The following NXPH2 variants were observed in gnomAD, a reference collection of about 807,000 sequenced individuals.
NXPH2 encodes neurexophilin 2, also known as neurexophilin-2.
In NXPH2, 5 loss-of-function variants were observed where a neutral mutation model predicts 19.8. The ratio of observed to expected loss-of-function variants is 0.25; its 90% CI spans 0.13 to 0.53. The LOEUF is 0.53. Among genes scored for constraint, NXPH2 ranks in the 20% least tolerant of loss-of-function variants. NXPH2 has a pLI of 0.96. For synonymous variants in NXPH2, 154 were observed against 127.4 expected (o/e 1.21, Z -1.41); for missense variants, 289 against 322.8 (o/e 0.90, Z 0.80).
At chr2:138,771,474 A>G (rs1489703845) in intron 1 of NXPH2, among the ~76,000 whole-genome samples, 4 of 150,634 alleles carry the variant, frequency 2.7e-5, no homozygotes, top group African/African-American at 7.3e-5. Context: ...TCTGAGTAGT[A>G]CTAAAAAAAA....
intron 1 of NXPH2, among the ~76,000 whole-genome samples, chr2:138,765,981 C>T (rs1268774030): frequency 6.6e-6 from 1 of 152,138 alleles, no homozygotes; most frequent in Non-Finnish European, 1.5e-5. Context: ...TCAGAGCCAG[C>T]CCTAACAACT....
chr2:138,767,589 TTTGA>T (rs1682111563), intron 1 of NXPH2, among the ~76,000 whole-genome samples: 1 of 152,224 alleles, frequency 6.6e-6, no homozygotes, highest in Non-Finnish European at 1.5e-5. Flanking sequence ...GTCCTTCATA[TTTGA>T]TTGATAATTT....
chr2:138,754,810 A>G (rs1421602029), intron 1 of NXPH2, among the ~76,000 whole-genome samples: 2 of 152,150 alleles, frequency 1.3e-5, no homozygotes, highest in Non-Finnish European at 1.5e-5. Flanking sequence ...CAAAATTGCA[A>G]TACAATTTTG....
chr2:138,740,628 A>T (rs1681627923), intron 1 of NXPH2, among the ~76,000 whole-genome samples: 2 of 152,320 alleles, frequency 1.3e-5, no homozygotes, highest in South Asian at 4.1e-4. Flanking sequence ...AATTCTGAGG[A>T]TGCCATATGC....
At chr2:138,757,627 T>C (rs1187154404) in intron 1 of NXPH2, among the ~76,000 whole-genome samples, 1 of 152,118 alleles carries the variant, frequency 6.6e-6, no homozygotes, top group African/African-American at 2.4e-5. Context: ...TGCTGCAGCA[T>C]GAGACACAGA....
intron 1 of NXPH2, among the ~76,000 whole-genome samples, chr2:138,707,088 C>A: frequency 3.9e-4 from 1 of 2,576 alleles, no homozygotes; most frequent in Non-Finnish European, 1.3e-3. Flanking sequence ...AGTACTTGCC[C>A]CATGACAAAA....
chr2:138,751,264 C>T (rs1470554341), intron 1 of NXPH2, among the ~76,000 whole-genome samples: 1 of 151,972 alleles, frequency 6.6e-6, no homozygotes, highest in Non-Finnish European at 1.5e-5. Flanking sequence ...ATCCAGCTAC[C>T]CACAGAAACC....
At chr2:138,672,553 G>C (rs1680430727) in intron 1 of NXPH2, among the ~76,000 whole-genome samples, 1 of 152,138 alleles carries the variant, frequency 6.6e-6, no homozygotes, top group African/African-American at 2.4e-5. Context: ...GATTTTGAGG[G>C]ACAGGATCAC....
intron 1 of NXPH2, among the ~76,000 whole-genome samples, chr2:138,757,771 ATGTG>A (rs1681935874): frequency 6.6e-6 from 1 of 150,820 alleles, no homozygotes; most frequent in African/African-American, 2.4e-5. Context: ...GTGTGTGTGC[ATGTG>A]TGTATGTATG....
At chr2:138,764,210 C>A (rs1304590167) in intron 1 of NXPH2, among the ~76,000 whole-genome samples, 2 of 152,070 alleles carry the variant, frequency 1.3e-5, no homozygotes, top group African/African-American at 2.4e-5. Context: ...GAGTAACTGG[C>A]AGTCTTTCCC....
rs915745356 is a variant in NXPH2 at position 138,772,217 on chromosome 2, C to T, written c.51+7974G>A. Among the ~76,000 whole-genome samples, 9 of 152,212 alleles carry T rather than the reference C, an allele frequency of 5.9e-5. No individual in the cohort carries two copies. The East Asian group carries it at 1.7e-3, about 29-fold the overall frequency. On this transcript the variant is annotated intron_variant, in intron 1 of 1. Transcript: ENST00000272641. ...CCTCTGCTGATCCTAACTGGAGCCA[C>T]ATTACTTGGCTACTAACTTAACATG...
At chr2:138,762,494 CAAAAT>C (rs1347147963) in intron 1 of NXPH2, among the ~76,000 whole-genome samples, 2 of 152,088 alleles carry the variant, frequency 1.3e-5, no homozygotes, top group African/African-American at 4.8e-5. Context: ...CAAATAAAAA[CAAAAT>C]AAAATATTAT....
chr2:138,705,454 T>C (rs1475861451), intron 1 of NXPH2, among the ~76,000 whole-genome samples: 1 of 152,210 alleles, frequency 6.6e-6, no homozygotes, highest in Non-Finnish European at 1.5e-5. Flanking sequence ...ACTATGCTTA[T>C]TTTGGCAGTC....
At chr2:138,763,031 T>C (rs1470398132) in intron 1 of NXPH2, among the ~76,000 whole-genome samples, 1 of 152,232 alleles carries the variant, frequency 6.6e-6, no homozygotes, top group Non-Finnish European at 1.5e-5. Flanking sequence ...ATCTGGTCTT[T>C]CAAAAACTTT....
At chr2:138,777,171 G>A (rs1422896433) in intron 1 of NXPH2, among the ~76,000 whole-genome samples, 1 of 151,946 alleles carries the variant, frequency 6.6e-6, no homozygotes, top group Non-Finnish European at 1.5e-5. Context: ...TCTGTAAACA[G>A]TTGACATCTG....
intron 1 of NXPH2, among the ~76,000 whole-genome samples, chr2:138,696,074 G>A (rs945917130): frequency 6.6e-5 from 10 of 152,112 alleles, no homozygotes; most frequent in African/African-American, 2.4e-4. Flanking sequence ...AGTTGGCATA[G>A]ATATGTATAT....
intron 1 of NXPH2, among the ~76,000 whole-genome samples, chr2:138,714,947 A>T (rs997451290): frequency 2.0e-5 from 3 of 152,234 alleles, no homozygotes; most frequent in African/African-American, 7.2e-5. Flanking sequence ...AAAGAATTTC[A>T]TGAGTAGACA....
At chr2:138,695,674 G>T (rs1051075189) in intron 1 of NXPH2, among the ~76,000 whole-genome samples, 6 of 151,906 alleles carry the variant, frequency 3.9e-5, no homozygotes, top group Non-Finnish European at 7.4e-5. Context: ...TAAACTATTT[G>T]ATATAAACAT....
chr2:138,712,606 A>G (rs56321444), intron 1 of NXPH2, among the ~76,000 whole-genome samples: 4,805 of 152,254 alleles, frequency 0.032, 246 homozygotes, highest in African/African-American at 0.11. Context: ...ACCAAATTCA[A>G]CCACTAAATA....
Sources: allele counts gnomAD v4.1 joint callset (sites outside exome capture counted in the v4.1 genomes callset), GRCh38; gene constraint gnomAD v4.1.1; transcripts MANE v1.5; gene names NCBI Gene and HGNC (gene_info 2026-07-23, HGNC 2026-07-21).